METTL16: variants seen among roughly 807,000 people sequenced by gnomAD.
The protein encoded by METTL16 is RNA N(6)-adenosine-methyltransferase METTL16.
Under a neutral mutation model 57.9 loss-of-function variants are expected in METTL16, and 19 were observed. That is an observed-to-expected ratio of 0.33 (90% CI 0.23 to 0.48). The LOEUF (loss-of-function observed/expected upper bound fraction) is 0.48, where lower values mean the gene tolerates loss of function less well. Among genes scored for constraint, METTL16 ranks in the 20% least tolerant of loss-of-function variants. The pLI, the probability that METTL16 is intolerant of heterozygous loss-of-function variation, is 0.99. For missense variants in METTL16, 434 were observed against 691.5 expected, an observed-to-expected ratio of 0.63 and a Z score of 4.18; for synonymous variants, 246 against 255.6, an observed-to-expected ratio of 0.96 and a Z score of 0.36.
intron 8 of METTL16, among the ~76,000 whole-genome samples, chr17:2,430,224 C>T (rs2066862392): frequency 6.7e-6 from 1 of 148,548 alleles, no homozygotes; most frequent in South Asian, 2.1e-4. Context: ...GCGATCTTCT[C>T]ATCTCAGCCT....
intron 8 of METTL16, among the ~76,000 whole-genome samples, chr17:2,437,539 A>T (rs1485933148): frequency 6.7e-6 from 1 of 149,986 alleles, no homozygotes; most frequent in Admixed American, 6.7e-5. Flanking sequence ...TTTTTAAAAA[A>T]ATTTTTATTT....
intron 6 of METTL16, among the ~76,000 whole-genome samples, chr17:2,455,666 T>C (rs1340256787): frequency 1.3e-5 from 2 of 152,096 alleles, no homozygotes; most frequent in East Asian, 3.8e-4. Flanking sequence ...ATGAAATGCA[T>C]ATAACCTAAT....
intron 7 of METTL16, among the ~76,000 whole-genome samples, chr17:2,440,560 CAAAA>C (rs368245245): frequency 7.0e-6 from 1 of 143,672 alleles, no homozygotes; most frequent in Non-Finnish European, 1.5e-5. Context: ...CCCCATTTCT[CAAAA>C]AAAAACAAAA....
At chr17:2,444,313 G>A (rs2066977093) in intron 6 of METTL16, among the ~76,000 whole-genome samples, 1 of 152,098 alleles carries the variant, frequency 6.6e-6, no homozygotes, top group Admixed American at 6.6e-5. Context: ...AGCCAGATGT[G>A]GTGGTGGGCA....
chr17:2,482,441 G>A (rs1004165982), intron 2 of METTL16, among the ~76,000 whole-genome samples: 7 of 152,164 alleles, frequency 4.6e-5, no homozygotes, highest in African/African-American at 1.2e-4. Flanking sequence ...CCTGTGAACC[G>A]TGGCTACATA....
At chr17:2,447,051 G>A (rs1358251432) in intron 6 of METTL16, among the ~76,000 whole-genome samples, 1 of 148,942 alleles carries the variant, frequency 6.7e-6, no homozygotes, top group Non-Finnish European at 1.5e-5. Flanking sequence ...CATCGTCTGG[G>A]ATATGAGGAG....
chr17:2,469,327 A>G (rs997176082), intron 4 of METTL16, among the ~76,000 whole-genome samples: 2 of 152,224 alleles, frequency 1.3e-5, no homozygotes, highest in Non-Finnish European at 2.9e-5. Context: ...AAACAAATGC[A>G]CTAATAATAT....
At chr17:2,478,996 A>G (rs1413877454) in intron 2 of METTL16, among the ~76,000 whole-genome samples, 2 of 152,204 alleles carry the variant, frequency 1.3e-5, no homozygotes, top group African/African-American at 4.8e-5. Flanking sequence ...GCTCTTGGGT[A>G]GACAGTCAGG....
At chr17:2,500,889 G>T (rs1347840250) in intron 2 of METTL16, among the ~76,000 whole-genome samples, 1 of 152,072 alleles carries the variant, frequency 6.6e-6, no homozygotes, top group African/African-American at 2.4e-5. Flanking sequence ...AGCCAAGGCG[G>T]GCGGATCACC....
At chr17:2,477,117 G>A (rs1386264651) in intron 3 of METTL16, among the ~76,000 whole-genome samples, 2 of 152,128 alleles carry the variant, frequency 1.3e-5, no homozygotes, top group Non-Finnish European at 2.9e-5. Flanking sequence ...CAAGGCAGGT[G>A]GACTGCTTGA....
At chr17:2,434,069 C>T (rs2151546691) in intron 8 of METTL16, among the ~76,000 whole-genome samples, 2 of 152,278 alleles carry the variant, frequency 1.3e-5, no homozygotes, top group Admixed American at 1.3e-4. Flanking sequence ...ACAATGAAGA[C>T]CACACTTAAG....
rs149900979 is a variant in METTL16 at position 2,440,609 on chromosome 17, A to G, written c.798+881T>C. 7.2e-5 allele frequency among the ~76,000 whole-genome samples: 11 copies of G among 152,240 alleles called. No homozygotes were observed. The East Asian group carries it at 1.9e-3, about 27-fold the overall frequency. On this transcript the variant is annotated intron_variant, in intron 7 of 9. Transcript: ENST00000263092. ...TAGATATATGAAAAAAAACCTCAAG[A>G]TGGACTAAAGACTTGAATATAAGAC...
At chr17:2,473,403 A>G in intron 4 of METTL16, 121 bp downstream of exon 4, 1 of 1,098,336 alleles carries the variant, frequency 9.1e-7, no homozygotes, top group Non-Finnish European at 1.3e-6. Context: ...CCAATTACAA[A>G]GTGCCAGATT....
Position 2,477,668 on chromosome 17 carries a change from GA to G in METTL16, c.328+17del. ...TTATGAAAACTGTTTAGCCAAAAAA[GA>G]ATTTAAAATGATATACCTATGTCAA... On this transcript the variant is annotated intron_variant, in intron 3 of 9. Coordinates refer to ENST00000263092, the MANE Select transcript of METTL16 (RefSeq NM_024086.4). 1 of 1,585,980 alleles carries G rather than the reference GA, an allele frequency of 6.3e-7. No individual in the cohort carries two copies. The highest frequency in any genetic ancestry group is 1.1e-5 in the South Asian group (1 of 90,178).
intron 2 of METTL16, among the ~76,000 whole-genome samples, chr17:2,493,255 AT>A (rs1006370667): frequency 8.6e-5 from 13 of 151,040 alleles, no homozygotes; most frequent in South Asian, 4.2e-4. Flanking sequence ...CGCCCGGCTA[AT>A]TTTTTTGTAT....
chr17:2,440,970 C>CAAAAA (rs760521188), intron 7 of METTL16, among the ~76,000 whole-genome samples: 32 of 34,034 alleles, frequency 9.4e-4, no homozygotes, highest in Non-Finnish European at 1.7e-3. Context: ...GACTTGATCT[C>CAAAAA]AAAAAAAAAA....
intron 5 of METTL16, among the ~76,000 whole-genome samples, chr17:2,466,798 T>C (rs998671070): frequency 5.9e-5 from 9 of 152,124 alleles, no homozygotes; most frequent in African/African-American, 2.2e-4. Context: ...TATTTTTTTT[T>C]GTTTTCTTTT....
rs769742502 is a variant in METTL16, at chr17:2,420,455, C to T, written c.1204G>A (p.Val402Ile). ...TTTTTCTCTTCCAAGGCCTGAATGA[C>T]GTCCTCAGGAGCTCGGGGAACTTCT... ...LREVPRAPED[V>I]IQALEEKKPT... The change falls in exon 10 of 10, where the codon GTC becomes ATC. Residue 402 changes from valine (V) to isoleucine (I), a missense_variant. By Grantham distance (29) the Val-to-Ile change is conservative (BLOSUM62 3). Around this residue, in one of 5 missense-constraint regions of METTL16, gnomAD observed 168 missense variants for 149.6 expected, o/e 1.12. Coordinates refer to ENST00000263092, the MANE Select transcript of METTL16 (RefSeq NM_024086.4). The surrounding 1 kb of genome is among the most constrained non-coding windows in gnomAD (Gnocchi z 5.4). 25 of 1,613,992 alleles carry T rather than the reference C, an allele frequency of 1.5e-5. No individual in the cohort carries two copies. The South Asian group carries it at 2.3e-4, about 15-fold the overall frequency.
intron 1 of METTL16, among the ~76,000 whole-genome samples, chr17:2,508,069 T>C (rs982437845): frequency 1.3e-5 from 2 of 151,798 alleles, no homozygotes; most frequent in African/African-American, 4.8e-5. Context: ...CCTCCACTAT[T>C]GTCCTGTGAC....
Sources: allele counts gnomAD v4.1 joint callset (sites outside exome capture counted in the v4.1 genomes callset), GRCh38; gene constraint gnomAD v4.1.1; regional missense constraint gnomAD v4.1.1; non-coding constraint Gnocchi (gnomAD v3.1); transcripts MANE v1.5; gene names NCBI Gene and HGNC (gene_info 2026-07-23, HGNC 2026-07-21).